GPR137C: variants seen among roughly 807,000 people sequenced by gnomAD.
The protein encoded by GPR137C is G protein-coupled receptor 137C.
Under a neutral mutation model 43.4 loss-of-function variants are expected in GPR137C, and 27 were observed. The observed-to-expected ratio is 0.62, with a 90% CI of 0.46 to 0.86. The LOEUF (loss-of-function observed/expected upper bound fraction) is 0.86. Among genes scored for constraint, GPR137C ranks in the 40% least tolerant of loss-of-function variants. GPR137C has a pLI of 0.00. For synonymous variants in GPR137C, 285 were observed against 226.9 expected, an observed-to-expected ratio of 1.26 and a Z score of -2.30; for missense variants, 522 against 534.6, an observed-to-expected ratio of 0.98 and a Z score of 0.23.
At chr14:52,603,691 C>T (rs1057186413) in intron 3 of GPR137C, among the ~76,000 whole-genome samples, 7 of 151,930 alleles carry the variant, frequency 4.6e-5, no homozygotes, top group Admixed American at 1.3e-4. Flanking sequence ...CCTGACACCA[C>T]GCCTGGCTAA....
intron 3 of GPR137C, among the ~76,000 whole-genome samples, chr14:52,608,048 G>A (rs1404584583): frequency 1.3e-5 from 2 of 152,086 alleles, no homozygotes; most frequent in Non-Finnish European, 2.9e-5. Flanking sequence ...GTTAGATCAT[G>A]TTTTTTAATC....
At position 52,628,708 on chromosome 14, in the gene GPR137C, A is replaced by G. The variant is rs149449008; in HGVS notation, c.718-3452A>G. Among the ~76,000 whole-genome samples, 600 of 152,294 alleles carry G rather than the reference A, an allele frequency of 3.9e-3. 2 individuals are homozygous for G. Among genetic ancestry groups the G allele is most frequent in the African/African-American group, 0.014 (583 of 41,568 alleles). On this transcript the variant is annotated intron_variant, in intron 3 of 6. Coordinates refer to ENST00000321662, the MANE Select transcript of GPR137C (RefSeq NM_001099652.2). ...CTACTCGGGAGGCTGAGGCAGGAGA[A>G]TCACTTGAACCCGGTAGACAGAGGC...
intron 1 of GPR137C, among the ~76,000 whole-genome samples, chr14:52,568,186 C>T (rs893375434): frequency 2.0e-5 from 3 of 152,068 alleles, no homozygotes; most frequent in East Asian, 1.9e-4. Flanking sequence ...TCACCTCACC[C>T]GGGAAGCCCA....
chr14:52,573,413 A>G (rs2038502106), intron 1 of GPR137C, among the ~76,000 whole-genome samples: 1 of 152,210 alleles, frequency 6.6e-6, no homozygotes, highest in South Asian at 2.1e-4. Flanking sequence ...ATCAGAAATA[A>G]CGACACATGT....
chr14:52,553,279 C>T lies in GPR137C; in HGVS notation c.132C>T (p.Ser44=), dbSNP rs760655393. The T allele has an allele frequency of 5.4e-6, 8 of 1,485,762 alleles. No homozygotes were observed. Among genetic ancestry groups the T allele is most frequent in the East Asian group, 5.5e-5 (2 of 36,590 alleles). 92.0% of individuals were successfully genotyped at this position (1,485,762 alleles called of 1,614,324 possible). ...CCTCAGGCGCCGCGGTGCCGGGCTC[C>T]GTGCAGTTGGCGCTGAGCGTCCTGC... The part of the protein sequence containing the change: ...AAASGAAVPG[S]VQLALSVLHA... Residue 44 remains serine (S), a synonymous_variant, in exon 1 of 7, where the codon TCC becomes TCT. Coordinates refer to ENST00000321662, the MANE Select transcript of GPR137C (RefSeq NM_001099652.2).
At chr14:52,625,398 C>T (rs1161397825) in intron 3 of GPR137C, among the ~76,000 whole-genome samples, 1 of 148,504 alleles carries the variant, frequency 6.7e-6, no homozygotes, top group African/African-American at 2.5e-5. Context: ...AGGAGAATCG[C>T]TTGAACCCAG....
At chr14:52,614,149 C>G (rs2039070618) in intron 3 of GPR137C, among the ~76,000 whole-genome samples, 1 of 150,604 alleles carries the variant, frequency 6.6e-6, no homozygotes, top group Non-Finnish European at 1.5e-5. Flanking sequence ...AGACAGAGTC[C>G]CACTCTGTCA....
intron 1 of GPR137C, among the ~76,000 whole-genome samples, chr14:52,582,984 A>C (rs764494773): frequency 6.6e-6 from 1 of 152,190 alleles, no homozygotes; most frequent in Admixed American, 6.5e-5. Flanking sequence ...GGATAAAAGT[A>C]GATTATGTGA....
chr14:52,587,740 A>T (rs1212119611), intron 1 of GPR137C, among the ~76,000 whole-genome samples: 2 of 152,228 alleles, frequency 1.3e-5, no homozygotes, highest in African/African-American at 4.8e-5. Context: ...AGTGCACTCC[A>T]GCCTGGGTAA....
intron 1 of GPR137C, among the ~76,000 whole-genome samples, chr14:52,558,512 CAT>C (rs1205501992): frequency 1.3e-5 from 2 of 152,116 alleles, no homozygotes; most frequent in African/African-American, 2.4e-5. Flanking sequence ...AACTTGAAAA[CAT>C]AAAGTTATCC....
intron 6 of GPR137C, among the ~76,000 whole-genome samples, chr14:52,634,697 C>T (rs969107190): frequency 6.6e-6 from 1 of 152,074 alleles, no homozygotes; most frequent in African/African-American, 2.4e-5. Flanking sequence ...CAATCAAGTT[C>T]TACCAGTTCT....
intron 1 of GPR137C, among the ~76,000 whole-genome samples, chr14:52,586,219 T>C (rs2038711945): frequency 1.3e-5 from 2 of 152,196 alleles, no homozygotes; most frequent in African/African-American, 4.8e-5. Flanking sequence ...TCAGGGATGT[T>C]TGTCATGCAA....
At chr14:52,630,073 AT>A (rs377743614) in intron 3 of GPR137C, among the ~76,000 whole-genome samples, 5 of 152,166 alleles carry the variant, frequency 3.3e-5, no homozygotes, top group African/African-American at 1.2e-4. Context: ...CTTATTTTTC[AT>A]TTTGTAATCC....
chr14:52,608,501 T>G (rs2039006391), intron 3 of GPR137C, among the ~76,000 whole-genome samples: 1 of 152,242 alleles, frequency 6.6e-6, no homozygotes, highest in Non-Finnish European at 1.5e-5. Context: ...TTCTGTCTTT[T>G]AGTCTTCTTA....
intron 1 of GPR137C, among the ~76,000 whole-genome samples, chr14:52,561,579 G>A (rs542778902): frequency 1.3e-5 from 2 of 152,148 alleles, no homozygotes; most frequent in Admixed American, 1.3e-4. Flanking sequence ...AATTAACCCA[G>A]ATGTTCATCA....
Position 52,633,890 on chromosome 14 carries a change from A to G in GPR137C, c.1056A>G (p.Pro352=), listed in dbSNP as rs1398046429. The G allele has an allele frequency of 1.2e-6, 2 of 1,612,966 alleles. No individual in the cohort carries two copies. The highest frequency in any genetic ancestry group is 3.3e-5 in the Admixed American group (2 of 59,960). The change falls in exon 6 of 7, where the codon CCA becomes CCG. Residue 352 remains proline, a synonymous_variant. Transcript: ENST00000321662. The part of the protein sequence containing the change: ...YSSRAYFFDN[P]RRYDSDDDLP... ...CCAGAGCTTACTTTTTCGACAATCC[A>G]AGACGATATGATAGTGATGATGACC...
intron 3 of GPR137C, among the ~76,000 whole-genome samples, chr14:52,603,551 T>C (rs1207766566): frequency 6.6e-6 from 1 of 152,178 alleles, no homozygotes; most frequent in Non-Finnish European, 1.5e-5. Context: ...TGTTTGTTTT[T>C]GAGATGGAGT....
intron 1 of GPR137C, among the ~76,000 whole-genome samples, chr14:52,583,716 A>G (rs2038677882): frequency 6.6e-6 from 1 of 152,186 alleles, no homozygotes; most frequent in South Asian, 2.1e-4. Flanking sequence ...TGATTAGATC[A>G]TCATTGGCTG....
chr14:52,622,503 A>AT (rs2039172153), intron 3 of GPR137C, among the ~76,000 whole-genome samples: 1 of 152,036 alleles, frequency 6.6e-6, no homozygotes, highest in African/African-American at 2.4e-5. Flanking sequence ...AAAAATTACA[A>AT]TTTTCACTTA....
Sources: allele counts gnomAD v4.1 joint callset (sites outside exome capture counted in the v4.1 genomes callset), GRCh38; gene constraint gnomAD v4.1.1; transcripts MANE v1.5; gene names NCBI Gene and HGNC (gene_info 2026-07-23, HGNC 2026-07-21).